ORC4: variants seen among roughly 807,000 people sequenced by gnomAD.
ORC4 encodes origin recognition complex subunit 4.
In ORC4, 55 loss-of-function variants were observed where a neutral mutation model predicts 63.9. The ratio of observed to expected loss-of-function variants is 0.86; its 90% CI spans 0.69 to 1.08. The LOEUF (loss-of-function observed/expected upper bound fraction) is 1.08. Among genes scored for constraint, ORC4 ranks in the 50% least tolerant of loss-of-function variants. The pLI is 0.00. For missense variants in ORC4, 511 were observed against 504.4 expected (o/e 1.01, Z -0.13); for synonymous variants, 150 against 168.5 (o/e 0.89, Z 0.85).
At chr2:148,013,871 A>C (rs947632385) in intron 1 of ORC4, among the ~76,000 whole-genome samples, 1 of 152,236 alleles carries the variant, frequency 6.6e-6, no homozygotes, top group African/African-American at 2.4e-5. Flanking sequence ...GCCAACAAAA[A>C]AACTAAATAA....
intron 4 of ORC4, chr2:147,960,101 A>G (rs572346686): frequency 2.5e-4 from 64 of 259,054 alleles, no homozygotes; most frequent in African/African-American, 1.5e-3. Flanking sequence ...AATTCATACA[A>G]TGTTTTATGT....
At position 147,972,714 on chromosome 2, in the gene ORC4, A is replaced by C. The variant is rs760135773; in HGVS notation, c.225+25T>G. ...AAATAAGAATCATCACATGCCAACA[A>C]ACACCAGAAATCAACAGCTTTTACC... On this transcript the variant is annotated intron_variant, in intron 4 of 13. Transcript: ENST00000392857. 4.2e-6 allele frequency: 6 copies of C among 1,434,132 alleles called. No homozygotes were observed. The South Asian group carries it at 7.1e-5, about 17-fold the overall frequency. 88.8% of individuals were successfully genotyped at this position (1,434,132 alleles called of 1,614,324 possible). A position where few individuals can be genotyped will look rare whatever the true frequency, so the allele number is the denominator to read the frequency against.
At chr2:147,991,782 T>C (rs1691627940) in intron 1 of ORC4, among the ~76,000 whole-genome samples, 1 of 152,068 alleles carries the variant, frequency 6.6e-6, no homozygotes, top group South Asian at 2.1e-4. Context: ...AAGCGGAGAT[T>C]GCACCACTGC....
At chr2:147,973,256 T>C (rs1247463272) in intron 3 of ORC4, among the ~76,000 whole-genome samples, 192 bp downstream of exon 3, 1 of 152,234 alleles carries the variant, frequency 6.6e-6, no homozygotes, top group Non-Finnish European at 1.5e-5. Flanking sequence ...AAAGTGCTAT[T>C]GCATTATGGA....
In ORC4 at chr2:147,965,244, C is replaced by A. The variant is rs115043247; in HGVS notation, c.226-6378G>T. On this transcript the variant is annotated intron_variant, in intron 4 of 13. Coordinates refer to ENST00000392857, the MANE Select transcript of ORC4 (RefSeq NM_181741.4). ...AGTAAGAAACAAAGGATATATGAAA[C>A]AACCAGAAAACAATCACTAAAATGA... Among the ~76,000 whole-genome samples the A allele has an allele frequency of 9.6e-3, 1,458 of 151,922 alleles. 17 individuals carry two copies. Among genetic ancestry groups the A allele is most frequent in the Non-Finnish European group, 0.016 (1,107 of 67,912 alleles).
intron 1 of ORC4, among the ~76,000 whole-genome samples, chr2:148,005,414 GC>G (rs1692565574): frequency 6.6e-6 from 1 of 151,906 alleles, no homozygotes; most frequent in African/African-American, 2.4e-5. Flanking sequence ...GGATGGGGGG[GC>G]TAAGGGAGGG....
intron 1 of ORC4, among the ~76,000 whole-genome samples, chr2:147,997,192 T>C (rs1181428527): frequency 1.3e-5 from 2 of 152,112 alleles, no homozygotes; most frequent in Non-Finnish European, 2.9e-5. Flanking sequence ...TATTCTGGAA[T>C]AGGCAAAACT....
chr2:147,991,796 C>T (rs968818209), intron 1 of ORC4, among the ~76,000 whole-genome samples: 2 of 152,152 alleles, frequency 1.3e-5, no homozygotes, highest in Admixed American at 6.5e-5. Context: ...CCACTGCACT[C>T]CAACCAGGGC....
At chr2:148,009,978 C>T (rs1317012036) in intron 1 of ORC4, among the ~76,000 whole-genome samples, 5 of 152,102 alleles carry the variant, frequency 3.3e-5, no homozygotes, top group East Asian at 1.9e-4. Context: ...CATGTTAGGC[C>T]GCAAAACAAG....
chr2:147,966,425 G>A (rs1330915253), intron 4 of ORC4, among the ~76,000 whole-genome samples: 1 of 151,876 alleles, frequency 6.6e-6, no homozygotes, highest in Non-Finnish European at 1.5e-5. Flanking sequence ...AAACAAAATT[G>A]AGACTAAAAC....
intron 1 of ORC4, among the ~76,000 whole-genome samples, chr2:148,001,231 A>T (rs1333947415): frequency 2.0e-5 from 3 of 152,186 alleles, no homozygotes; most frequent in African/African-American, 7.2e-5. Flanking sequence ...TAAGCTATGG[A>T]GAAGCAGTTA....
rs930242022 is a variant in ORC4, at chr2:147,966,114, C to T, written c.225+6625G>A. Among the ~76,000 whole-genome samples, 6 of 151,830 alleles carry T rather than the reference C, an allele frequency of 4.0e-5. No individual in the cohort carries two copies. The East Asian group carries it at 1.2e-3, about 29-fold the overall frequency. ...AAAAATATGGAAATTAGACAACATG[C>T]CCATGAACAATGGGCAAAAGAAATT... On this transcript the variant is annotated intron_variant, in intron 4 of 13. Transcript: ENST00000392857.
rs1185159758 is a variant in ORC4 at position 147,958,734 on chromosome 2, T to C, written c.301+57A>G. 8.7e-5 allele frequency: 75 copies of C among 866,490 alleles called. No homozygotes were observed. In the East Asian group the frequency reaches 1.8e-3, roughly 21 times the overall value. 53.7% of individuals were successfully genotyped at this position (866,490 alleles called of 1,614,324 possible). A position where few individuals can be genotyped will look rare whatever the true frequency, so the allele number is the denominator to read the frequency against. ...AAATGGATTTGAAATATACAAGTCA[T>C]ATAAAAACCCCACAAAGTTTACATA... On this transcript the variant is annotated intron_variant, in intron 5 of 13. Coordinates refer to ENST00000392857, the MANE Select transcript of ORC4 (RefSeq NM_181741.4).
Position 147,950,963 on chromosome 2 carries a change from AAGG to A in ORC4, c.588+1407_588+1409del, listed in dbSNP as rs568695907. On this transcript the variant is annotated intron_variant, in intron 8 of 13. Transcript: ENST00000392857. ...GGAAGATTTTTTTTTTTTTGGCAAG[AAGG>A]AGGATGCTTCTTTGATCCTTGTCAT... 4.7e-3 allele frequency among the ~76,000 whole-genome samples: 705 copies of A among 149,900 alleles called. 5 individuals are homozygous for A. The highest frequency in any genetic ancestry group is 0.016 in the African/African-American group (652 of 41,014).
chr2:148,000,591 T>C (rs1166846628), intron 1 of ORC4, among the ~76,000 whole-genome samples: 1 of 152,074 alleles, frequency 6.6e-6, no homozygotes, highest in Non-Finnish European at 1.5e-5. Context: ...GCCAAAGGAT[T>C]ACATAGGATA....
intron 9 of ORC4, among the ~76,000 whole-genome samples, chr2:147,945,753 TA>T (rs1189396376): frequency 6.6e-6 from 1 of 152,136 alleles, no homozygotes; most frequent in Non-Finnish European, 1.5e-5. Flanking sequence ...GTATCACTGC[TA>T]TTGGCTTAAT....
chr2:147,938,020 C>T (rs990363042), intron 13 of ORC4, 126 bp downstream of exon 13: 1 of 723,654 alleles, frequency 1.4e-6, no homozygotes, highest in Non-Finnish European at 2.4e-6. Flanking sequence ...AGATAATTTT[C>T]TTGTTTTGAA....
At chr2:147,967,558 C>T (rs1486487744) in intron 4 of ORC4, among the ~76,000 whole-genome samples, 2 of 149,848 alleles carry the variant, frequency 1.3e-5, no homozygotes, top group African/African-American at 2.4e-5. Context: ...ACCAAAAAAA[C>T]GTAATTACTG....
At chr2:147,979,351 A>T (rs766637768) in intron 1 of ORC4, among the ~76,000 whole-genome samples, 3 of 152,194 alleles carry the variant, frequency 2.0e-5, no homozygotes, top group African/African-American at 4.8e-5. Context: ...TAATTACAAT[A>T]GCATCAAAAA....
Sources: gnomAD v4.1 joint callset for allele counts (sites outside exome capture counted in the v4.1 genomes callset) on GRCh38, gnomAD v4.1.1 for gene constraint, MANE v1.5 for transcripts, NCBI Gene and HGNC (gene_info 2026-07-23, HGNC 2026-07-21) for gene names.